Variants in UBE2N observed in about 807,000 individuals in gnomAD.
UBE2N encodes ubiquitin conjugating enzyme E2 N.
For synonymous variants in UBE2N, 70 were observed against 69.2 expected (o/e 1.01, Z -0.06); for missense variants, 60 against 192.1 (o/e 0.31, Z 4.07).
intron 1 of UBE2N, among the ~76,000 whole-genome samples, chr12:93,427,574 A>G (rs141298603): frequency 2.0e-4 from 30 of 152,364 alleles, no homozygotes; most frequent in African/African-American, 7.0e-4. Context: ...TGGAAAGCAG[A>G]TAAATGGTTG....
At chr12:93,441,791 G>A (rs1879123503) in intron 1 of UBE2N, 64 bp downstream of exon 1, 2 of 1,563,552 alleles carry the variant, frequency 1.3e-6, no homozygotes, top group Non-Finnish European at 1.7e-6. Context: ...GAGAGGCCGC[G>A]CTGCCTGCCC....
intron 1 of UBE2N, among the ~76,000 whole-genome samples, chr12:93,419,062 A>C (rs960333148): frequency 6.6e-6 from 1 of 152,200 alleles, no homozygotes; most frequent in Admixed American, 6.5e-5. Context: ...TTTGTACAGA[A>C]ACTTTAAAGC....
At position 93,410,474 on chromosome 12, in the gene UBE2N, T is replaced by A; in HGVS notation, c.418+260A>T. 3 of 569,028 alleles carry A rather than the reference T, an allele frequency of 5.3e-6. 1 individual carries two copies. The highest frequency in any genetic ancestry group is 9.2e-6 in the Non-Finnish European group (3 of 327,244). 35.2% of individuals were successfully genotyped at this position (569,028 alleles called of 1,614,324 possible). A position where few individuals can be genotyped will look rare whatever the true frequency, so the allele number is the denominator to read the frequency against. On this transcript the variant is annotated intron_variant, in intron 3 of 3. Coordinates refer to ENST00000318066, the MANE Select transcript of UBE2N (RefSeq NM_003348.4). ...CCAGTATTCTTTACATATAACTAGA[T>A]AAATGGTATGCACTCAGTATTTGTT...
In UBE2N at chr12:93,406,118, A is replaced by T. The variant is rs560436207; in HGVS notation, c.*3921T>A. ...CCCGTCTCTACTAAAAATACAAAAA[A>T]TTAGCCAGGTGTGGTGGCAGGTGTC... On this transcript the variant is annotated 3_prime_UTR_variant, in exon 4 of 4. Transcript: ENST00000318066. 1 of 151,956 alleles carries T rather than the reference A, an allele frequency of 6.6e-6. No individual in the cohort carries two copies. The highest frequency in any genetic ancestry group is 1.5e-5 in the Non-Finnish European group (1 of 68,046). The allele number at this position is 151,956 out of a possible 1,614,324, so 9.4% of individuals were successfully genotyped here.
chr12:93,432,342 A>G (rs1228054330), intron 1 of UBE2N, among the ~76,000 whole-genome samples: 1 of 151,118 alleles, frequency 6.6e-6, no homozygotes, highest in Non-Finnish European at 1.5e-5. Flanking sequence ...AATCTCATGA[A>G]TGGATAATAA....
chr12:93,441,778 G>C, intron 1 of UBE2N, 77 bp downstream of exon 1: 1 of 1,553,736 alleles, frequency 6.4e-7, no homozygotes, highest in Non-Finnish European at 8.7e-7. Context: ...GGCCGAAGGA[G>C]GCGAGAGGCC....
intron 1 of UBE2N, among the ~76,000 whole-genome samples, chr12:93,436,771 T>C (rs1878946525): frequency 6.6e-6 from 1 of 152,168 alleles, no homozygotes; most frequent in South Asian, 2.1e-4. Flanking sequence ...TCAGTCACTT[T>C]TATTGGCTAA....
At position 93,408,621 on chromosome 12, in the gene UBE2N, G is replaced by A. The variant is rs1023999516; in HGVS notation, c.*1418C>T. On this transcript the variant is annotated 3_prime_UTR_variant, in exon 4 of 4. Transcript: ENST00000318066. The stretch of plus-strand genomic sequence containing the variant: ...TCAGGAATTAGATATGGAGAGAGGT[G>A]GGAAAGAACAGTTTTGTGAGGGGAG... 1 of 152,044 alleles carries A rather than the reference G, an allele frequency of 6.6e-6. No individual in the cohort carries two copies. The highest frequency in any genetic ancestry group is 2.4e-5 in the African/African-American group (1 of 41,400). 9.4% of individuals were successfully genotyped at this position (152,044 alleles called of 1,614,324 possible).
chr12:93,408,984 AC>A lies in UBE2N; in HGVS notation c.*1054del, dbSNP rs1310365367. 1 of 152,700 alleles carries A rather than the reference AC, an allele frequency of 6.5e-6. No homozygotes were observed. Among genetic ancestry groups the A allele is most frequent in the Non-Finnish European group, 1.5e-5 (1 of 68,046 alleles). The allele number at this position is 152,700 out of a possible 1,614,324, so 9.5% of individuals were successfully genotyped here. On this transcript the variant is annotated 3_prime_UTR_variant, in exon 4 of 4. Coordinates refer to ENST00000318066, the MANE Select transcript of UBE2N (RefSeq NM_003348.4). ...AATGTGGCACAACTGTGAAAGTCCTACATGTCAGTCACAACTGCTATCTTTG... is the reference window on the plus strand; with the variant it reads ...AATGTGGCACAACTGTGAAAGTCCTAATGTCAGTCACAACTGCTATCTTTG...
At chr12:93,435,421 C>T (rs376211741) in intron 1 of UBE2N, among the ~76,000 whole-genome samples, 6 of 151,982 alleles carry the variant, frequency 3.9e-5, no homozygotes, top group East Asian at 3.9e-4. Context: ...TGCAGTTAGC[C>T]GAGATCACGC....
rs1246174618 is a variant in UBE2N, at chr12:93,432,599, GTTCT to G, written c.30+9252_30+9255del. 6.6e-5 allele frequency among the ~76,000 whole-genome samples: 10 copies of G among 152,136 alleles called. 1 individual carries two copies. The highest frequency in any genetic ancestry group is 2.6e-4 in the Admixed American group (4 of 15,268). On this transcript the variant is annotated intron_variant, in intron 1 of 3. Transcript: ENST00000318066. ...ATGGTTTCATGATATAAATTTGTTA[GTTCT>G]TTCTAGTGTTTCCTTAACTACAATG...
chr12:93,422,139 A>G (rs1372814699), intron 1 of UBE2N, among the ~76,000 whole-genome samples: 4 of 152,230 alleles, frequency 2.6e-5, no homozygotes, highest in Admixed American at 2.0e-4. Context: ...CATCACAGCT[A>G]AAGATGGTGT....
intron 1 of UBE2N, among the ~76,000 whole-genome samples, chr12:93,412,771 G>A (rs571403297): frequency 6.6e-6 from 1 of 152,332 alleles, no homozygotes; most frequent in East Asian, 1.9e-4. Flanking sequence ...GTGGAATGCT[G>A]AGAAAGGTAA....
At chr12:93,411,002 G>T (rs1226451160) in intron 2 of UBE2N, 51 bp downstream of exon 2, 1 of 1,613,902 alleles carries the variant, frequency 6.2e-7, no homozygotes, top group Non-Finnish European at 8.5e-7. Flanking sequence ...ATGCTTAAGA[G>T]AAAAAGGAGA....
At chr12:93,421,213 G>GGGGGC (rs2121073064) in intron 1 of UBE2N, among the ~76,000 whole-genome samples, 1 of 146,660 alleles carries the variant, frequency 6.8e-6, no homozygotes, top group African/African-American at 2.5e-5. Context: ...TTTTTGGGGG[G>GGGGGC]GCTGGGGGGA....
intron 1 of UBE2N, among the ~76,000 whole-genome samples, chr12:93,423,049 C>T (rs537363167): frequency 1.2e-4 from 19 of 152,314 alleles, no homozygotes; most frequent in Non-Finnish European, 2.2e-4. Context: ...AGAAATAACC[C>T]ATTCTGGAGA....
chr12:93,435,735 TG>T (rs753382098), intron 1 of UBE2N, among the ~76,000 whole-genome samples: 13 of 152,010 alleles, frequency 8.6e-5, no homozygotes, highest in Non-Finnish European at 1.6e-4. Flanking sequence ...CAGGAAAAAA[TG>T]TGTGTACTTC....
At chr12:93,419,789 C>T (rs1000567660) in intron 1 of UBE2N, among the ~76,000 whole-genome samples, 1 of 152,130 alleles carries the variant, frequency 6.6e-6, no homozygotes, top group Admixed American at 6.5e-5. Context: ...CTAAACACGT[C>T]CTTGAAAAAG....
At chr12:93,411,365 T>G (rs927855253) in intron 1 of UBE2N, 66 bp from the exon 2 acceptor site, 1 of 1,532,542 alleles carries the variant, frequency 6.5e-7, no homozygotes, top group African/African-American at 1.4e-5. Context: ...AAAGTAAAAT[T>G]AGAAAGTTCA....
Sources: gnomAD v4.1 joint callset for allele counts (sites outside exome capture counted in the v4.1 genomes callset) on GRCh38, gnomAD v4.1.1 for gene constraint, MANE v1.5 for transcripts, NCBI Gene and HGNC (gene_info 2026-07-23, HGNC 2026-07-21) for gene names.